The following FCHO1 variants were observed in gnomAD, a reference collection of about 807,000 sequenced individuals.
The protein encoded by FCHO1 is F-BAR domain only protein 1.
Under a neutral mutation model 114.4 loss-of-function variants are expected in FCHO1, and 45 were observed. That is an observed-to-expected ratio of 0.39 (90% CI 0.31 to 0.50). FCHO1 has a LOEUF of 0.50. Ranked by LOEUF, FCHO1 falls within the 20% of genes least tolerant of loss-of-function variation. The pLI, the probability that FCHO1 is intolerant of heterozygous loss-of-function variation, is 0.77. For missense variants in FCHO1, 1,042 were observed against 1,209.6 expected, an observed-to-expected ratio of 0.86 and a Z score of 2.06; for synonymous variants, 480 against 488.9, an observed-to-expected ratio of 0.98 and a Z score of 0.24.
Position 17,764,462 on chromosome 19 carries a change from G to T in FCHO1, c.194+13G>T. 6.2e-7 allele frequency: 1 copy of T among 1,601,078 alleles called. No individual in the cohort carries two copies. Among genetic ancestry groups the T allele is most frequent in the Non-Finnish European group, 8.5e-7 (1 of 1,173,206 alleles). ...GGACCCCCATGGGGTGAGTGGGGTAGGGGTCACCAACATGGGGACATTGGG... is the reference window on the plus strand; with the variant it reads ...GGACCCCCATGGGGTGAGTGGGGTATGGGTCACCAACATGGGGACATTGGG... On this transcript the variant is annotated intron_variant, in intron 6 of 28. Coordinates refer to ENST00000596536, the MANE Select transcript of FCHO1 (RefSeq NM_015122.3).
rs567838981 is a variant in FCHO1, at chr19:17,776,519, G to A, written c.1208-116G>A. ...GCTTGAATCCATGTCTGCCTGATTT[G>A]CTGATCACCTTGGGCAACTGGCTGG... On this transcript the variant is annotated intron_variant, in intron 17 of 28. Coordinates refer to ENST00000596536, the MANE Select transcript of FCHO1 (RefSeq NM_015122.3). This position sits in a 1 kb window ranked among gnomAD's most constrained non-coding sequence, Gnocchi z 4.4. 4.3e-5 allele frequency: 53 copies of A among 1,218,596 alleles called. No individual in the cohort carries two copies. The highest frequency in any genetic ancestry group is 2.9e-4 in the South Asian group (23 of 79,960). The allele number at this position is 1,218,596 out of a possible 1,614,324, so 75.5% of individuals were successfully genotyped here.
At position 17,788,323 on chromosome 19, in the gene FCHO1, G is replaced by T. The variant is rs1337734645; in HGVS notation, c.*17G>T. ...AGCTGCTGAACCCGCAAATGCTGCTGCCCCAGCTCTACACTGCGCCCTGGT... is the reference window on the plus strand; with the variant it reads ...AGCTGCTGAACCCGCAAATGCTGCTTCCCCAGCTCTACACTGCGCCCTGGT... On this transcript the variant is annotated 3_prime_UTR_variant, in exon 29 of 29. Coordinates refer to ENST00000596536, the MANE Select transcript of FCHO1 (RefSeq NM_015122.3). 5 of 1,570,428 alleles carry T rather than the reference G, an allele frequency of 3.2e-6. No homozygotes were observed. The highest frequency in any genetic ancestry group is 4.3e-6 in the Non-Finnish European group (5 of 1,162,974).
In FCHO1 at chr19:17,778,220, A is replaced by T. The variant is rs774546803; in HGVS notation, c.1343A>T (p.Asp448Val). 2.5e-5 allele frequency: 40 copies of T among 1,613,218 alleles called. No homozygotes were observed. ...CTGGAGTCAGCCTTTGACCACGAAG[A>T]TTTTACAGGTGATGGGGATAAGGGA... ...PPLESAFDHEDFTGSSSLGFT... is the reference protein window; with the variant it reads ...PPLESAFDHEVFTGSSSLGFT... The change falls in exon 19 of 29, where the codon GAT becomes GTT. Residue 448 changes from aspartate (D) to valine (V), a missense_variant. Physicochemically the swap from Asp to Val is radical, Grantham distance 152. This residue lies in a region of FCHO1 where 455 missense variants were observed against 455.4 expected (regional missense o/e 1.00). Coordinates refer to ENST00000596536, the MANE Select transcript of FCHO1 (RefSeq NM_015122.3).
At chr19:17,767,075 T>TG (rs1391823068) in intron 7 of FCHO1, among the ~76,000 whole-genome samples, 2 of 5,902 alleles carry the variant, frequency 3.4e-4, no homozygotes, top group Non-Finnish European at 9.5e-4. Context: ...CTAAGAAGGG[T>TG]TTTTTTTTTT....
In FCHO1 at chr19:17,785,017, G is replaced by T. The variant is rs73012868; in HGVS notation, c.2426+93G>T. 3 of 1,299,386 alleles carry T rather than the reference G, an allele frequency of 2.3e-6. No individual in the cohort carries two copies. In the African/African-American group the frequency reaches 4.4e-5, roughly 19 times the overall value. The allele number at this position is 1,299,386 out of a possible 1,614,324, so 80.5% of individuals were successfully genotyped here. A position where few individuals can be genotyped will look rare whatever the true frequency, so the allele number is the denominator to read the frequency against. ...TGCATTGATTAAAGGGTGCACCCTC[G>T]GCCTGACCGTTAACTGTGAGCCCAC... On this transcript the variant is annotated intron_variant, in intron 26 of 28. Transcript: ENST00000596536.
chr19:17,748,511 G>A (rs540195834), upstream of FCHO1, among the ~76,000 whole-genome samples: 2 of 151,812 alleles, frequency 1.3e-5, no homozygotes, highest in African/African-American at 2.4e-5. Flanking sequence ...TGGACTTGGG[G>A]GGGGGGTCCC....
intron 23 of FCHO1, among the ~76,000 whole-genome samples, chr19:17,782,321 G>T (rs2093497650): frequency 6.6e-6 from 1 of 152,140 alleles, no homozygotes; most frequent in African/African-American, 2.4e-5. Flanking sequence ...TCCTGCCTCA[G>T]CCTCCCGAGT....
At chr19:17,774,072 G>A (rs10420431) in intron 11 of FCHO1, among the ~76,000 whole-genome samples, 167 bp from the exon 12 acceptor site, 24,832 of 151,974 alleles carry the variant, frequency 0.16, 2,163 homozygotes, top group Non-Finnish European at 0.17. Flanking sequence ...CACCATGTCC[G>A]GCTTTTTTGT....
At position 17,772,541 on chromosome 19, in the gene FCHO1, G is replaced by C; in HGVS notation, c.679G>C (p.Val227Leu). ...SYAHSVEDTH[V>L]QIGQVHEEFK... Reference sequence around the variant, plus strand: ...TGCTCACTCGGTGGAGGACACGCACGTGCAGATTGGGCAGGTGAGTTGGGC... The same window carrying C: ...TGCTCACTCGGTGGAGGACACGCACCTGCAGATTGGGCAGGTGAGTTGGGC... Residue 227 changes from valine (V) to leucine (L), a missense_variant, in exon 10 of 29, where the codon GTG becomes CTG. Val to Leu is a conservative substitution (Grantham distance 32). Around this residue, in one of 3 missense-constraint regions of FCHO1, gnomAD observed 450 missense variants for 564.1 expected, o/e 0.80. Transcript: ENST00000596536. 1.9e-6 allele frequency: 3 copies of C among 1,614,132 alleles called. No homozygotes were observed. Among genetic ancestry groups the C allele is most frequent in the Non-Finnish European group, 2.5e-6 (3 of 1,179,988 alleles).
At chr19:17,774,893 C>T in intron 13 of FCHO1, 163 bp from the exon 14 acceptor site, 1 of 707,576 alleles carries the variant, frequency 1.4e-6, no homozygotes, top group Non-Finnish European at 2.4e-6. Flanking sequence ...AGATTCAACC[C>T]CCTCCCCAAG....
In FCHO1 at chr19:17,783,159, G is replaced by A. The variant is rs376539312; in HGVS notation, c.2080G>A (p.Asp694Asn). The change falls in exon 24 of 29, where the codon GAT becomes AAT. Residue 694 changes from aspartate (D) to asparagine (N), a missense_variant. Around this residue, in one of 3 missense-constraint regions of FCHO1, gnomAD observed 455 missense variants for 455.4 expected, o/e 1.00. Coordinates refer to ENST00000596536, the MANE Select transcript of FCHO1 (RefSeq NM_015122.3). ...TATTGAGCACTTCCAGCCCAACGCCGATCTGCTGTTCAGGTACTATGGAGG... is the reference window on the plus strand; with the variant it reads ...TATTGAGCACTTCCAGCCCAACGCCAATCTGCTGTTCAGGTACTATGGAGG... ...TAIEHFQPNA[D>N]LLFSDPSQSD... is the part of the protein sequence containing the mutation. 45 of 1,614,010 alleles carry A rather than the reference G, an allele frequency of 2.8e-5. No individual in the cohort carries two copies. In the East Asian group the frequency reaches 5.8e-4, roughly 21 times the overall value.
At chr19:17,764,042 A>G (rs1233493058) in intron 5 of FCHO1, among the ~76,000 whole-genome samples, 1 of 122,782 alleles carries the variant, frequency 8.1e-6, no homozygotes, top group Non-Finnish European at 1.7e-5. Flanking sequence ...AAGCTTCTTC[A>G]TCTTTTTTTT....
chr19:17,765,625 A>G lies in FCHO1; in HGVS notation c.195-1044A>G, dbSNP rs563404729. Among the ~76,000 whole-genome samples the G allele has an allele frequency of 2.0e-5, 3 of 152,002 alleles. No individual in the cohort carries two copies. In the South Asian group the frequency reaches 6.2e-4, roughly 32 times the overall value. On this transcript the variant is annotated intron_variant, in intron 6 of 28. Coordinates refer to ENST00000596536, the MANE Select transcript of FCHO1 (RefSeq NM_015122.3). ...GTGATGGAGGCTGCAGTGAGCCATG[A>G]TTGTACCACTGCACTTCAGCCTGGG...
intron 1 of FCHO1, among the ~76,000 whole-genome samples, chr19:17,753,142 G>A (rs73010750): frequency 1.5e-3 from 226 of 152,288 alleles, no homozygotes; most frequent in Admixed American, 2.5e-3. Flanking sequence ...AGTCAGCACA[G>A]CTCTAAGAGA....
intron 8 of FCHO1, 96 bp downstream of exon 8, chr19:17,770,673 G>T: frequency 6.3e-7 from 1 of 1,579,272 alleles, no homozygotes; most frequent in Non-Finnish European, 8.6e-7. Flanking sequence ...GACGGTCCTG[G>T]AACCTGTGGG....
In FCHO1 at chr19:17,772,882, C is replaced by T. The variant is rs557220486; in HGVS notation, c.790+141C>T. On this transcript the variant is annotated intron_variant, in intron 11 of 28. Transcript: ENST00000596536. The stretch of plus-strand genomic sequence containing the variant: ...TTCACCATGTTGGCCAGGCTGGTCT[C>T]GAACTCTTGACCTCAGGTGATCTGC... 143 of 627,808 alleles carry T rather than the reference C, an allele frequency of 2.3e-4. 3 individuals carry two copies. In the East Asian group the frequency reaches 4.0e-3, roughly 18 times the overall value. The allele number at this position is 627,808 out of a possible 1,614,324, so 38.9% of individuals were successfully genotyped here. A position where few individuals can be genotyped will look rare whatever the true frequency, so the allele number is the denominator to read the frequency against.
chr19:17,768,943 G>C (rs1381732391), intron 7 of FCHO1, among the ~76,000 whole-genome samples: 1 of 150,334 alleles, frequency 6.7e-6, no homozygotes, highest in African/African-American at 2.5e-5. Flanking sequence ...GAGCCTAAGA[G>C]TTAGAGACCA....
chr19:17,769,105 GTC>G (rs1359051923), intron 7 of FCHO1, among the ~76,000 whole-genome samples: 1 of 151,288 alleles, frequency 6.6e-6, no homozygotes, highest in African/African-American at 2.4e-5. Flanking sequence ...GTGAAACCCT[GTC>G]TCTACTAAAA....
chr19:17,786,609 C>T lies in FCHO1; in HGVS notation c.2462C>T (p.Pro821Leu), dbSNP rs1364126563. 1 of 1,372,238 alleles carries T rather than the reference C, an allele frequency of 7.3e-7. No homozygotes were observed. The allele number at this position is 1,372,238 out of a possible 1,614,324, so 85.0% of individuals were successfully genotyped here. The change falls in exon 27 of 29, where the codon CCA (proline) becomes CTA (leucine). Residue 821 changes from proline (P) to leucine (L), a missense_variant. Coordinates refer to ENST00000596536, the MANE Select transcript of FCHO1 (RefSeq NM_015122.3). The part of the protein sequence containing the change: ...LEEKRLTWRL[P>L]DVSEAGGSGR... Reference sequence around the variant, plus strand: ...GAGAAGCGGCTCACTTGGAGGCTTCCAGATGTGTCCGAGGCAGGCGGTGAG... The same window carrying T: ...GAGAAGCGGCTCACTTGGAGGCTTCTAGATGTGTCCGAGGCAGGCGGTGAG...
Sources: gnomAD v4.1 joint callset for allele counts (sites outside exome capture counted in the v4.1 genomes callset) on GRCh38, gnomAD v4.1.1 for gene constraint, gnomAD v4.1.1 regional missense constraint, Gnocchi (gnomAD v3.1) non-coding constraint, MANE v1.5 for transcripts, NCBI Gene and HGNC (gene_info 2026-07-23, HGNC 2026-07-21) for gene names.